The following RFT1 variants were observed in gnomAD, a reference collection of about 807,000 sequenced individuals.
RFT1 encodes man(5)GlcNAc(2)-PP-dolichol translocation protein RFT1.
RFT1 carries 43 observed loss-of-function variants against 62.2 expected under a neutral mutation model. The ratio of observed to expected loss-of-function variants is 0.69; its 90% CI spans 0.54 to 0.89. The LOEUF is 0.89. RFT1 is among the 40% of genes least tolerant of loss of function. The probability of loss-of-function intolerance (pLI) is 0.00; values close to 1 mark genes in which losing one functional copy is unlikely to be tolerated. For synonymous variants in RFT1, 262 were observed against 264.6 expected, an observed-to-expected ratio of 0.99 and a Z score of 0.10; for missense variants, 605 against 649.9, an observed-to-expected ratio of 0.93 and a Z score of 0.75.
intron 11 of RFT1, among the ~76,000 whole-genome samples, chr3:53,093,630 T>C (rs1026085718): frequency 6.6e-6 from 1 of 152,194 alleles, no homozygotes; most frequent in African/African-American, 2.4e-5. Context: ...AGAATCCCAG[T>C]GCTTTGAGAG....
rs535093359 is a variant in RFT1 at position 53,094,216 on chromosome 3, T to C, written c.1209-1598A>G. Among the ~76,000 whole-genome samples the C allele has an allele frequency of 2.6e-5, 4 of 152,186 alleles. 1 individual carries two copies. The South Asian group carries it at 8.3e-4, about 32-fold the overall frequency. On this transcript the variant is annotated intron_variant, in intron 11 of 12. Transcript: ENST00000296292. ...CTGGACAACATAGTGAGACCATGTC[T>C]CTACCAAAAAGAAAAAAGAAGGCAA...
chr3:53,093,634 T>C (rs1178136029), intron 11 of RFT1, among the ~76,000 whole-genome samples: 2 of 151,900 alleles, frequency 1.3e-5, no homozygotes, highest in Non-Finnish European at 1.5e-5. Context: ...TCCCAGTGCT[T>C]TGAGAGGCTG....
chr3:53,126,639 G>T (rs974487015), intron 1 of RFT1, among the ~76,000 whole-genome samples: 4 of 152,196 alleles, frequency 2.6e-5, no homozygotes, highest in Admixed American at 2.6e-4. Flanking sequence ...AATGTAACAT[G>T]GGGGGAAGGG....
At chr3:53,124,807 AC>A (rs1489084594) in intron 2 of RFT1, among the ~76,000 whole-genome samples, 1 of 152,030 alleles carries the variant, frequency 6.6e-6, no homozygotes, top group Non-Finnish European at 1.5e-5. Context: ...CCTCATCTCT[AC>A]AAAAAATAAA....
chr3:53,074,102 G>A, the RFT1 span, among the ~76,000 whole-genome samples: 1 of 152,168 alleles, frequency 6.6e-6, no homozygotes, highest in East Asian at 1.9e-4. Flanking sequence ...GAGGGGATCA[G>A]GTGATCAGGG....
At chr3:53,095,562 C>G (rs1328421616) in intron 11 of RFT1, among the ~76,000 whole-genome samples, 2 of 152,024 alleles carry the variant, frequency 1.3e-5, no homozygotes, top group East Asian at 3.9e-4. Flanking sequence ...ACAAAAAATA[C>G]AAAAATTAGC....
At chr3:53,129,525 G>A (rs1702199740) in intron 1 of RFT1, among the ~76,000 whole-genome samples, 1 of 152,134 alleles carries the variant, frequency 6.6e-6, no homozygotes, top group Non-Finnish European at 1.5e-5. Context: ...GGACTTGTGT[G>A]AAGTAGGGTT....
At chr3:53,108,912 G>A (rs959139505) in intron 7 of RFT1, among the ~76,000 whole-genome samples, 7 of 149,400 alleles carry the variant, frequency 4.7e-5, no homozygotes. Flanking sequence ...CAGATGATCC[G>A]CCCACCTTGG....
chr3:53,077,906 T>A, the RFT1 span: 3 of 152,226 alleles, frequency 2.0e-5, no homozygotes, highest in African/African-American at 7.2e-5. Flanking sequence ...GACCATTGAC[T>A]GGGAGGCTGG....
At chr3:53,105,919 T>C (rs1441730079) in intron 8 of RFT1, 116 bp from the exon 9 acceptor site, 10 of 1,032,654 alleles carry the variant, frequency 9.7e-6, no homozygotes, top group South Asian at 9.0e-5. Flanking sequence ...GAGATAATTA[T>C]AGATTCACAC....
Position 53,105,711 on chromosome 3 carries a change from C to T in RFT1, c.919G>A (p.Val307Met), listed in dbSNP as rs1701450627. The T allele has an allele frequency of 6.2e-7, 1 of 1,613,784 alleles. No individual in the cohort carries two copies. Among genetic ancestry groups the T allele is most frequent in the Non-Finnish European group, 8.5e-7 (1 of 1,179,870 alleles). ...EESFYIFFAKVLERGKDATLQ... is the reference protein window; with the variant it reads ...EESFYIFFAKMLERGKDATLQ... ...GTGGCATCCTTTCCCCTCTCCAGCA[C>T]CTTAGCAAAAAATATATAAAAACTT... Residue 307 changes from valine (V) to methionine (M), a missense_variant, in exon 9 of 13, where the codon GTG becomes ATG. Physicochemically the swap from Val to Met is conservative, Grantham distance 21. Coordinates refer to ENST00000296292, the MANE Select transcript of RFT1 (RefSeq NM_052859.4).
At chr3:53,085,592 T>G (rs1700838048), downstream of RFT1, among the ~76,000 whole-genome samples, 2 of 152,198 alleles carry the variant, frequency 1.3e-5, no homozygotes, top group Admixed American at 6.5e-5. Context: ...ACGATTGTGT[T>G]CAACATGGGA....
At chr3:53,087,094 C>T (rs1045544474), downstream of RFT1, among the ~76,000 whole-genome samples, 2 of 152,134 alleles carry the variant, frequency 1.3e-5, no homozygotes, top group African/African-American at 4.8e-5. Flanking sequence ...AAAAATTAGC[C>T]AGGTGTGGTG....
In RFT1 at chr3:53,088,845, G is replaced by A. The variant is rs948034065; in HGVS notation, c.*3058C>T. 1.3e-5 allele frequency: 2 copies of A among 150,698 alleles called. No homozygotes were observed. Among genetic ancestry groups the A allele is most frequent in the Non-Finnish European group, 3.0e-5 (2 of 67,758 alleles). The allele number at this position is 150,698 out of a possible 1,614,324, so 9.3% of individuals were successfully genotyped here. On this transcript the variant is annotated 3_prime_UTR_variant, in exon 13 of 13. Coordinates refer to ENST00000296292, the MANE Select transcript of RFT1 (RefSeq NM_052859.4). ...GAGAGTGAGACCTTGTCTCTGAAAAGAAAAGAATAGGCCAGGAGCGGTGGC... is the reference window on the plus strand; with the variant it reads ...GAGAGTGAGACCTTGTCTCTGAAAAAAAAAGAATAGGCCAGGAGCGGTGGC...
chr3:53,094,351 GCACA>G (rs55637878), intron 11 of RFT1, among the ~76,000 whole-genome samples: 37,370 of 149,624 alleles, frequency 0.25, 4,713 homozygotes, highest in Middle Eastern at 0.3. Flanking sequence ...AATACTACAC[GCACA>G]CACACACACA....
At chr3:53,113,667 TATC>T (rs1186648912) in intron 6 of RFT1, among the ~76,000 whole-genome samples, 1 of 152,246 alleles carries the variant, frequency 6.6e-6, no homozygotes, top group African/African-American at 2.4e-5. Flanking sequence ...ACCAAAATAT[TATC>T]ATTTCAACAA....
intron 7 of RFT1, among the ~76,000 whole-genome samples, chr3:53,107,330 G>T (rs1157149283): frequency 6.6e-6 from 1 of 151,778 alleles, no homozygotes; most frequent in Non-Finnish European, 1.5e-5. Flanking sequence ...GTAGAGATGG[G>T]GTTTCACTGT....
At chr3:53,130,030 A>G (rs1359603232) in intron 1 of RFT1, among the ~76,000 whole-genome samples, 1 of 152,216 alleles carries the variant, frequency 6.6e-6, no homozygotes, top group East Asian at 1.9e-4. Flanking sequence ...CTCGAGCACG[A>G]AATACCAGTC....
chr3:53,076,048 G>C, the RFT1 span, among the ~76,000 whole-genome samples: 1 of 152,186 alleles, frequency 6.6e-6, no homozygotes, highest in South Asian at 2.1e-4. Flanking sequence ...TGGTCACCCA[G>C]GATGGACAGG....
Sources: allele counts gnomAD v4.1 joint callset (sites outside exome capture counted in the v4.1 genomes callset), GRCh38; gene constraint gnomAD v4.1.1; transcripts MANE v1.5; gene names NCBI Gene and HGNC (gene_info 2026-07-23, HGNC 2026-07-21).